KCP: variants seen among roughly 807,000 people sequenced by gnomAD.
KCP encodes the protein kielin cysteine rich BMP regulator, also known as kielin/chordin-like protein.
Under a neutral mutation model 212.7 loss-of-function variants are expected in KCP, and 194 were observed. The ratio of observed to expected loss-of-function variants is 0.91; its 90% CI spans 0.81 to 1.03. KCP has a LOEUF of 1.03. KCP is among the 50% of genes least tolerant of loss of function. The pLI is 0.00. For synonymous variants in KCP, 833 were observed against 865.3 expected (o/e 0.96, Z 0.65); for missense variants, 2,080 against 2,162.5 (o/e 0.96, Z 0.76).
Position 128,893,817 on chromosome 7 carries a change from G to A in KCP, c.1088C>T (p.Pro363Leu). 2 of 1,550,972 alleles carry A rather than the reference G, an allele frequency of 1.3e-6. No homozygotes were observed. Among genetic ancestry groups the A allele is most frequent in the Non-Finnish European group, 1.7e-6 (2 of 1,146,950 alleles). Residue 363 changes from proline to leucine, a missense_variant, in exon 11 of 40, where the codon CCT becomes CTT. By Grantham distance (98) the Pro-to-Leu change is moderately conservative. Coordinates refer to ENST00000610776, the MANE Select transcript of KCP (RefSeq NM_001366122.1). ...CGGCCCCCACTCACCATCGCAGACAGGGCAGCACTGCCCAGGGATCTTGCC... is the reference window on the plus strand; with the variant it reads ...CGGCCCCCACTCACCATCGCAGACAAGGCAGCACTGCCCAGGGATCTTGCC... Reference protein sequence around the residue: ...HPGKIPGQCCPVCDGCEYQGH... With the variant: ...HPGKIPGQCCLVCDGCEYQGH...
chr7:128,877,808 C>T lies in KCP; in HGVS notation c.4312-18G>A. On this transcript the variant is annotated intron_variant, in intron 38 of 39. Coordinates refer to ENST00000610776, the MANE Select transcript of KCP (RefSeq NM_001366122.1). The stretch of plus-strand genomic sequence containing the variant: ...TCTGAGACCTGGGTGGGGAGAGCAG[C>T]CCTGACGTGACAGCACCACTGGCAG... The T allele has an allele frequency of 6.5e-7, 1 of 1,532,846 alleles. No individual in the cohort carries two copies. The highest frequency in any genetic ancestry group is 8.8e-7 in the Non-Finnish European group (1 of 1,136,154). 95.0% of individuals were successfully genotyped at this position (1,532,846 alleles called of 1,614,324 possible).
intron 39 of KCP, 70 bp from the exon 40 acceptor site, chr7:128,877,381 C>A (rs1331520817): frequency 1.5e-5 from 23 of 1,525,498 alleles, no homozygotes; most frequent in Middle Eastern, 2.3e-4. Flanking sequence ...CGTACCCCTG[C>A]GAGACTCGCC....
intron 5 of KCP, among the ~76,000 whole-genome samples, chr7:128,905,228 A>G (rs957344608): frequency 6.6e-6 from 1 of 152,176 alleles, no homozygotes; most frequent in Non-Finnish European, 1.5e-5. Flanking sequence ...TCAGAAGAAT[A>G]AGACGTCAAT....
chr7:128,878,829 G>C (rs947006076), intron 37 of KCP, 107 bp from the exon 38 acceptor site: 3 of 1,166,660 alleles, frequency 2.6e-6, no homozygotes, highest in African/African-American at 3.1e-5. Context: ...CAGTGCTGTA[G>C]GGGAGGAGAA....
intron 22 of KCP, among the ~76,000 whole-genome samples, chr7:128,887,680 CACAT>C (rs1001065636): frequency 6.7e-6 from 1 of 150,188 alleles, no homozygotes; most frequent in Admixed American, 6.6e-5. Flanking sequence ...GCCACACACA[CACAT>C]ACACACATAT....
At chr7:128,890,025 C>T (rs970267189) in intron 21 of KCP, 3 of 343,834 alleles carry the variant, frequency 8.7e-6, no homozygotes, top group Non-Finnish European at 1.7e-5. Flanking sequence ...AACTCCTGGG[C>T]AATCCTCCCA....
intron 1 of KCP, among the ~76,000 whole-genome samples, chr7:128,910,058 GCCCGGGAGAAGCTGAATCCTCTGGGAC>G (rs2128951586): frequency 6.6e-6 from 1 of 152,298 alleles, no homozygotes; most frequent in African/African-American, 2.4e-5. Flanking sequence ...GGATATGGGA[GCCCGGGAGAAGCTGAATCCTCTGGGAC>G]CCCTAGGTGA....
intron 8 of KCP, among the ~76,000 whole-genome samples, chr7:128,895,528 G>A (rs1335670515): frequency 2.0e-5 from 3 of 152,212 alleles, no homozygotes; most frequent in Non-Finnish European, 2.9e-5. Flanking sequence ...TGTCAGAGGC[G>A]TTTGAACCAA....
In KCP at chr7:128,884,862, G is replaced by A. The variant is rs1167258851; in HGVS notation, c.3042C>T (p.Asp1014=). 2 of 1,550,790 alleles carry A rather than the reference G, an allele frequency of 1.3e-6. No homozygotes were observed. The highest frequency in any genetic ancestry group is 2.0e-5 in the Admixed American group (1 of 51,008). The part of the protein sequence containing the change: ...GPHDCCPQCS[D]CEHEGRKYEP... The stretch of plus-strand genomic sequence containing the variant: ...CGTACTTCCGGCCCTCATGCTCACA[G>A]TCTTTGGGGTGGAGTGAGAGCAGAA... Residue 1014 remains aspartate, a splice_region_variant and synonymous_variant, in exon 28 of 40, where the codon GAC becomes GAT. Coordinates refer to ENST00000610776, the MANE Select transcript of KCP (RefSeq NM_001366122.1).
At chr7:128,888,413 C>T (rs1471698867) in intron 22 of KCP, among the ~76,000 whole-genome samples, 1 of 151,070 alleles carries the variant, frequency 6.6e-6, no homozygotes, top group African/African-American at 2.4e-5. Flanking sequence ...CACATACACA[C>T]ATACAGCAAC....
At chr7:128,899,873 A>AGTAAGGAATCATGATTCCTTAAGGAATC (rs1794748669) in intron 8 of KCP, among the ~76,000 whole-genome samples, 1 of 131,370 alleles carries the variant, frequency 7.6e-6, no homozygotes, top group African/African-American at 4.3e-5. Context: ...TAAGGAATCA[A>AGTAAGGAATCATGATTCCTTAAGGAATC]ATTTGACTTG....
In KCP at chr7:128,892,730, G is replaced by A. The variant is rs1373198398; in HGVS notation, c.1485C>T (p.Asn495=). The change falls in exon 15 of 40, where the codon AAC becomes AAT. Residue 495 remains asparagine, a synonymous_variant. Transcript: ENST00000610776. ...GGCAAGGGCTGTCTGCATCCGTGAA[G>A]TTCTGCCCATTGGCATACACTTGGC... ...YHSQVYANGQ[N]FTDADSPCHA... 11 of 1,551,736 alleles carry A rather than the reference G, an allele frequency of 7.1e-6. No individual in the cohort carries two copies. Among genetic ancestry groups the A allele is most frequent in the Non-Finnish European group, 9.6e-6 (11 of 1,146,974 alleles).
rs1793572193 is a variant in KCP at position 128,885,184 on chromosome 7, C to A, written c.2953G>T (p.Gly985Cys). 1 of 1,550,866 alleles carries A rather than the reference C, an allele frequency of 6.4e-7. No individual in the cohort carries two copies. The highest frequency in any genetic ancestry group is 2.4e-5 in the East Asian group (1 of 40,918). The change falls in exon 27 of 40, where the codon GGC becomes TGC. Residue 985 changes from glycine (G) to cysteine (C), a missense_variant. Transcript: ENST00000610776. ...SACSSCVCHEGVVTCARIQCI... is the reference protein window; with the variant it reads ...SACSSCVCHECVVTCARIQCI... Reference sequence around the variant, plus strand: ...TGGATGCGTGCACAGGTGACGACGCCCTCGTGACACACACAGGAGGAGCAG... The same window carrying A: ...TGGATGCGTGCACAGGTGACGACGCACTCGTGACACACACAGGAGGAGCAG...
intron 4 of KCP, among the ~76,000 whole-genome samples, chr7:128,906,733 A>G (rs946660155): frequency 6.6e-6 from 1 of 152,058 alleles, no homozygotes; most frequent in Non-Finnish European, 1.5e-5. Flanking sequence ...GAAGTAGAAG[A>G]TGGGCAGTGG....
rs1467915466 is a variant in KCP, at chr7:128,886,925, A to T, written c.2640T>A (p.Ala880=). ...MRCQKKPCPP[A]LCPHPSPGPC... ...GGCCTGGAGAGGGGTGGGGGCAGAG[A>T]GCTGGGGGACATGGCTTCTTCTGGC... The change falls in exon 24 of 40, where the codon GCT becomes GCA. Residue 880 remains alanine, a synonymous_variant. Coordinates refer to ENST00000610776, the MANE Select transcript of KCP (RefSeq NM_001366122.1). The T allele has an allele frequency of 1.3e-6, 2 of 1,516,022 alleles. No homozygotes were observed. Among genetic ancestry groups the T allele is most frequent in the Non-Finnish European group, 1.8e-6 (2 of 1,123,376 alleles). The allele number at this position is 1,516,022 out of a possible 1,614,324, so 93.9% of individuals were successfully genotyped here.
rs59737926 is a variant in KCP at position 128,883,944 on chromosome 7, G to A, written c.3244+58C>T. The A allele has an allele frequency of 8.4e-4, 1,268 of 1,507,464 alleles. 14 individuals carry two copies. In the African/African-American group the frequency reaches 0.016, roughly 19 times the overall value. 93.4% of individuals were successfully genotyped at this position (1,507,464 alleles called of 1,614,324 possible). On this transcript the variant is annotated intron_variant, in intron 29 of 39. Coordinates refer to ENST00000610776, the MANE Select transcript of KCP (RefSeq NM_001366122.1). ...GGGGCTGGGACTGGTGAGGAAGGGC[G>A]GCAGGGGGTGGCAGCCCTAACCTCA... is the stretch of plus-strand genomic sequence containing the variant.
At chr7:128,890,755 C>A (rs1794059587) in intron 20 of KCP, 150 bp downstream of exon 20, 1 of 843,488 alleles carries the variant, frequency 1.2e-6, no homozygotes, top group Non-Finnish European at 1.8e-6. Context: ...CCGGCTGGCT[C>A]CCAGGCCATG....
intron 29 of KCP, 107 bp downstream of exon 29, chr7:128,883,895 G>A: frequency 7.4e-7 from 1 of 1,359,962 alleles, no homozygotes; most frequent in Non-Finnish European, 9.8e-7. Flanking sequence ...TTCCAGAACA[G>A]TCCACTGGAG....
In KCP at chr7:128,908,516, T is replaced by C. The variant is rs1489970082; in HGVS notation, c.129A>G (p.Ser43=). ...GCTCCTGGGAGTTCCCAGCAAGGAC[T>C]GAGGAATGGGCAGTTGTCTGCTGCC... The part of the protein sequence containing the change: ...PPGQQTTAHS[S]VLAGNSQEQW... Residue 43 remains serine (S), a synonymous_variant, in exon 2 of 40, where the codon TCA becomes TCG. Transcript: ENST00000610776. The C allele has an allele frequency of 6.4e-7, 1 of 1,551,780 alleles. No homozygotes were observed. Among genetic ancestry groups the C allele is most frequent in the Admixed American group, 2.0e-5 (1 of 50,990 alleles).
Sources: gnomAD v4.1 joint callset for allele counts (sites outside exome capture counted in the v4.1 genomes callset) on GRCh38, gnomAD v4.1.1 for gene constraint, MANE v1.5 for transcripts, NCBI Gene and HGNC (gene_info 2026-07-23, HGNC 2026-07-21) for gene names.